Variants in ZBTB8B observed in about 807,000 individuals in gnomAD.
The protein encoded by ZBTB8B is zinc finger and BTB domain containing 8B, also known as zinc finger and BTB domain-containing protein 8B.
In ZBTB8B, 17 loss-of-function variants were observed where a neutral mutation model predicts 30.3. The ratio of observed to expected loss-of-function variants is 0.56; its 90% CI spans 0.38 to 0.84. The LOEUF is 0.84. Ranked by LOEUF, ZBTB8B falls within the 40% of genes least tolerant of loss-of-function variation. The pLI is 0.00. For synonymous variants in ZBTB8B, 248 were observed against 255.6 expected, an observed-to-expected ratio of 0.97 and a Z score of 0.28; for missense variants, 515 against 644.9, an observed-to-expected ratio of 0.80 and a Z score of 2.18.
At chr1:32,483,670 T>C (rs1203942809) in intron 3 of ZBTB8B, among the ~76,000 whole-genome samples, 1 of 151,852 alleles carries the variant, frequency 6.6e-6, no homozygotes, top group Non-Finnish European at 1.5e-5. Flanking sequence ...GTTGTGCACA[T>C]GTACCCTAGA....
rs1474252498 is a variant in ZBTB8B at position 32,484,001 on chromosome 1, T to C, written c.1171-1100T>C. Among the ~76,000 whole-genome samples, 3 of 151,998 alleles carry C rather than the reference T, an allele frequency of 2.0e-5. No individual in the cohort carries two copies. Among genetic ancestry groups the C allele is most frequent in the Admixed American group, 1.3e-4 (2 of 15,236 alleles). On this transcript the variant is annotated intron_variant, in intron 3 of 3. Transcript: ENST00000609129. The surrounding 1 kb of genome is among the most constrained non-coding windows in gnomAD (Gnocchi z 4.5). ...GGAAGGATCACTTTAGGCCAGGAGT[T>C]CAAGACCAGTCTGGGCAACATAGTG...
Position 32,470,994 on chromosome 1 carries a change from A to G in ZBTB8B, c.370A>G (p.Ile124Val), listed in dbSNP as rs1643613529. The change falls in exon 2 of 4, where the codon ATT becomes GTT. Residue 124 changes from isoleucine (I) to valine (V), a missense_variant. Physicochemically the swap from Ile to Val is conservative, Grantham distance 29. This residue lies in a region of ZBTB8B where 429 missense variants were observed against 504.3 expected (regional missense o/e 0.85). Coordinates refer to ENST00000609129, the MANE Select transcript of ZBTB8B (RefSeq NM_001145720.2). ...CKTYIRSSLD[I>V]CRKMEKEAAV... ...GACATACATTAGGTCATCCCTCGAC[A>G]TTTGCCGAAAGATGGAGAAGGAGGC... The G allele has an allele frequency of 4.5e-6, 7 of 1,552,088 alleles. No individual in the cohort carries two copies. Among genetic ancestry groups the G allele is most frequent in the Middle Eastern group, 3.3e-4 (2 of 6,016 alleles).
At chr1:32,480,828 G>T in intron 2 of ZBTB8B, 63 bp from the exon 3 acceptor site, 1 of 1,447,724 alleles carries the variant, frequency 6.9e-7, no homozygotes, top group South Asian at 1.5e-5. Context: ...CCCATCCACC[G>T]GCGGGTAGCC....
intron 1 of ZBTB8B, 70 bp from the exon 2 acceptor site, chr1:32,470,514 A>AG (rs1291769593): frequency 5.5e-6 from 6 of 1,100,548 alleles, no homozygotes; most frequent in East Asian, 3.6e-5. Context: ...AAAAAAAAAA[A>AG]AAAAAAAAAA....
intron 3 of ZBTB8B, among the ~76,000 whole-genome samples, chr1:32,481,312 G>T (rs1643702810): frequency 6.6e-6 from 1 of 152,222 alleles, no homozygotes; most frequent in South Asian, 2.1e-4. Context: ...GAAGAGCCAA[G>T]AAAGTTTAGA....
At chr1:32,481,976 T>C (rs949429283) in intron 3 of ZBTB8B, among the ~76,000 whole-genome samples, 1 of 152,092 alleles carries the variant, frequency 6.6e-6, no homozygotes, top group Non-Finnish European at 1.5e-5. Flanking sequence ...CATTTTATGA[T>C]CATCTTTTTT....
At chr1:32,482,669 CAAAAAA>C (rs1050028688) in intron 3 of ZBTB8B, among the ~76,000 whole-genome samples, 5 of 40,076 alleles carry the variant, frequency 1.2e-4, no homozygotes, top group East Asian at 1.4e-3. Flanking sequence ...GACTCCGTGT[CAAAAAA>C]AAAAAAAAAA....
chr1:32,468,882 T>C (rs1643594542), intron 1 of ZBTB8B, among the ~76,000 whole-genome samples: 2 of 150,816 alleles, frequency 1.3e-5, no homozygotes, highest in African/African-American at 2.4e-5. Context: ...AAGACCAGTC[T>C]CAAAGTTTTG....
intron 2 of ZBTB8B, among the ~76,000 whole-genome samples, chr1:32,479,122 A>G (rs900138350): frequency 1.3e-5 from 2 of 152,194 alleles, no homozygotes; most frequent in Non-Finnish European, 2.9e-5. Context: ...GACTTGAACC[A>G]GGTTTCTGTA....
Position 32,488,911 on chromosome 1 carries a change from C to G in ZBTB8B, c.*3493C>G, listed in dbSNP as rs997974010. The G allele has an allele frequency of 6.6e-6, 1 of 152,222 alleles. No individual in the cohort carries two copies. The highest frequency in any genetic ancestry group is 1.5e-5 in the Non-Finnish European group (1 of 68,064). 9.4% of individuals were successfully genotyped at this position (152,222 alleles called of 1,614,324 possible). On this transcript the variant is annotated 3_prime_UTR_variant, in exon 4 of 4. Transcript: ENST00000609129. Reference sequence around the variant, plus strand: ...TCCCAGGTTCAAGAGATTCTTCTGTCTCAGCCTCTTGAGTAGTTGGGATTA... The same window carrying G: ...TCCCAGGTTCAAGAGATTCTTCTGTGTCAGCCTCTTGAGTAGTTGGGATTA...
At chr1:32,473,794 T>A (rs2148182185) in intron 2 of ZBTB8B, among the ~76,000 whole-genome samples, 1 of 152,290 alleles carries the variant, frequency 6.6e-6, no homozygotes, top group East Asian at 1.9e-4. Context: ...GTGCCAGGAT[T>A]ACAGGTGTGA....
chr1:32,482,669 C>CAAAAAAAAAAAAAAAAAAA (rs1050028688), intron 3 of ZBTB8B, among the ~76,000 whole-genome samples: 1 of 40,084 alleles, frequency 2.5e-5, no homozygotes, highest in Admixed American at 2.8e-4. Flanking sequence ...GACTCCGTGT[C>CAAAAAAAAAAAAAAAAAAA]AAAAAAAAAA....
chr1:32,479,477 C>T (rs563349269), intron 2 of ZBTB8B, among the ~76,000 whole-genome samples: 8 of 152,036 alleles, frequency 5.3e-5, no homozygotes, highest in African/African-American at 1.9e-4. Context: ...GAGCCAAGAT[C>T]GTGTCACTGC....
rs1643770381 is a variant in ZBTB8B at position 32,490,271 on chromosome 1, T to C, written c.*4853T>C. ...TTCCTATTATGCTCTGTTTTGAGCA[T>C]TCCCACTGTGCTTCCTGTTGTTGCT... On this transcript the variant is annotated 3_prime_UTR_variant, in exon 4 of 4. Transcript: ENST00000609129. 6.6e-6 allele frequency: 1 copy of C among 152,296 alleles called. No homozygotes were observed. The highest frequency in any genetic ancestry group is 1.5e-5 in the Non-Finnish European group (1 of 68,082). The allele number at this position is 152,296 out of a possible 1,614,324, so 9.4% of individuals were successfully genotyped here.
At position 32,471,599 on chromosome 1, in the gene ZBTB8B, G is replaced by T; in HGVS notation, c.975G>T (p.Trp325Cys). 1 of 1,550,838 alleles carries T rather than the reference G, an allele frequency of 6.4e-7. No individual in the cohort carries two copies. Among genetic ancestry groups the T allele is most frequent in the South Asian group, 1.2e-5 (1 of 84,056 alleles). ...CCATGATGGATGTCCAGGCTGACTG[G>T]TATGGAGAGGACTCAGGTGAGCTCC... ...MSSMMDVQAD[W>C]YGEDSGDVLV... is the part of the protein sequence containing the mutation. Residue 325 changes from tryptophan to cysteine, a missense_variant, in exon 2 of 4, where the codon TGG becomes TGT. This residue lies in a region of ZBTB8B where 429 missense variants were observed against 504.3 expected (regional missense o/e 0.85). Coordinates refer to ENST00000609129, the MANE Select transcript of ZBTB8B (RefSeq NM_001145720.2).
chr1:32,482,876 A>T (rs1235389499), intron 3 of ZBTB8B, among the ~76,000 whole-genome samples: 2 of 151,954 alleles, frequency 1.3e-5, no homozygotes, highest in Non-Finnish European at 2.9e-5. Flanking sequence ...CAATAAGCAC[A>T]TGAAAAGATG....
chr1:32,475,738 A>G (rs1271451144), intron 2 of ZBTB8B, among the ~76,000 whole-genome samples: 1 of 152,036 alleles, frequency 6.6e-6, no homozygotes, highest in Non-Finnish European at 1.5e-5. Context: ...TGAAAGTGCC[A>G]TCTGAAGGTA....
intron 2 of ZBTB8B, among the ~76,000 whole-genome samples, chr1:32,473,906 A>G (rs1384974114): frequency 6.6e-6 from 1 of 151,964 alleles, no homozygotes; most frequent in Admixed American, 6.6e-5. Flanking sequence ...GCTGGAGTGC[A>G]GTGGTGCGAT....
Position 32,486,739 on chromosome 1 carries a change from T to C in ZBTB8B, c.*1321T>C, listed in dbSNP as rs1315440120. 1 of 152,248 alleles carries C rather than the reference T, an allele frequency of 6.6e-6. No homozygotes were observed. Among genetic ancestry groups the C allele is most frequent in the Non-Finnish European group, 1.5e-5 (1 of 68,050 alleles). The allele number at this position is 152,248 out of a possible 1,614,324, so 9.4% of individuals were successfully genotyped here. A position where few individuals can be genotyped will look rare whatever the true frequency, so the allele number is the denominator to read the frequency against. On this transcript the variant is annotated 3_prime_UTR_variant, in exon 4 of 4. Transcript: ENST00000609129. Reference sequence around the variant, plus strand: ...TTTAGCTAGTCCTCAATTTGGTCCATGTCCGAGTCCGGCCTTTGGAGTTGA... The same window carrying C: ...TTTAGCTAGTCCTCAATTTGGTCCACGTCCGAGTCCGGCCTTTGGAGTTGA...
Sources: gnomAD v4.1 joint callset for allele counts (sites outside exome capture counted in the v4.1 genomes callset) on GRCh38, gnomAD v4.1.1 for gene constraint, gnomAD v4.1.1 regional missense constraint, Gnocchi (gnomAD v3.1) non-coding constraint, MANE v1.5 for transcripts, NCBI Gene and HGNC (gene_info 2026-07-23, HGNC 2026-07-21) for gene names.